AUTS2: variants seen among roughly 807,000 people sequenced by gnomAD.
AUTS2 encodes the protein activator of transcription and developmental regulator AUTS2, also known as autism susceptibility gene 2 protein.
Under a neutral mutation model 112.4 loss-of-function variants are expected in AUTS2, and 17 were observed. The ratio of observed to expected loss-of-function variants is 0.15; its 90% CI spans 0.10 to 0.23. AUTS2 has a LOEUF of 0.23. Among genes scored for constraint, AUTS2 ranks in the 10% least tolerant of loss-of-function variants. AUTS2 has a pLI of 1.00. For synonymous variants in AUTS2, 751 were observed against 702.7 expected, an observed-to-expected ratio of 1.07 and a Z score of -1.09; for missense variants, 1,510 against 1,701.6, an observed-to-expected ratio of 0.89 and a Z score of 1.98.
chr7:70,521,494 C>T (rs918713416), intron 5 of AUTS2, among the ~76,000 whole-genome samples: 2 of 152,130 alleles, frequency 1.3e-5, no homozygotes, highest in African/African-American at 4.8e-5. Context: ...CACTTAGACC[C>T]CAGGGTTTTG....
At chr7:70,232,408 T>C (rs1214844576) in intron 4 of AUTS2, among the ~76,000 whole-genome samples, 3 of 143,576 alleles carry the variant, frequency 2.1e-5, no homozygotes, top group Non-Finnish European at 4.6e-5. Context: ...GCTCTTGCTC[T>C]TTTTTTTTTT....
chr7:69,605,699 G>A (rs1296692889), intron 1 of AUTS2, among the ~76,000 whole-genome samples: 1 of 152,196 alleles, frequency 6.6e-6, no homozygotes. Flanking sequence ...CTGTTACATA[G>A]CCAGGAAAAG....
Position 70,761,325 on chromosome 7 carries a change from A to G in AUTS2, c.743-1545A>G, listed in dbSNP as rs534249382. 3.3e-5 allele frequency among the ~76,000 whole-genome samples: 5 copies of G among 152,312 alleles called. No homozygotes were observed. The East Asian group carries it at 9.7e-4, about 29-fold the overall frequency. On this transcript the variant is annotated intron_variant, in intron 6 of 18. Transcript: ENST00000342771. ...TGGGGAGACCCCACCTCTAAAACAAAAAACAGAAAACCCCAGAAATACATA... is the reference window on the plus strand; with the variant it reads ...TGGGGAGACCCCACCTCTAAAACAAGAAACAGAAAACCCCAGAAATACATA...
At chr7:70,250,230 A>G (rs978669124) in intron 4 of AUTS2, among the ~76,000 whole-genome samples, 4 of 151,956 alleles carry the variant, frequency 2.6e-5, no homozygotes, top group Admixed American at 1.3e-4. Context: ...CTAAACTTGG[A>G]CTCAGTTACA....
intron 4 of AUTS2, among the ~76,000 whole-genome samples, chr7:70,356,009 T>C (rs1485931968): frequency 1.3e-5 from 2 of 152,154 alleles, no homozygotes; most frequent in Non-Finnish European, 2.9e-5. Flanking sequence ...AACTGTACCT[T>C]TAGGGCTGAA....
intron 4 of AUTS2, among the ~76,000 whole-genome samples, chr7:70,408,518 A>C (rs557186876): frequency 2.6e-5 from 4 of 152,316 alleles, no homozygotes; most frequent in Non-Finnish European, 5.9e-5. Flanking sequence ...GGGTCCACTT[A>C]ACCCCTTAAA....
At chr7:70,659,204 G>C (rs1806936378) in intron 5 of AUTS2, among the ~76,000 whole-genome samples, 1 of 152,208 alleles carries the variant, frequency 6.6e-6, no homozygotes, top group Non-Finnish European at 1.5e-5. Flanking sequence ...TTCGGCACCT[G>C]ACCTCTGAAT....
At chr7:70,268,197 A>C (rs1787527628) in intron 4 of AUTS2, among the ~76,000 whole-genome samples, 1 of 152,104 alleles carries the variant, frequency 6.6e-6, no homozygotes, top group Non-Finnish European at 1.5e-5. Context: ...TTTTTCCTTA[A>C]GGGTTTAATC....
chr7:70,226,707 A>G (rs564995774), intron 4 of AUTS2, among the ~76,000 whole-genome samples: 1 of 152,256 alleles, frequency 6.6e-6, no homozygotes, highest in Non-Finnish European at 1.5e-5. Context: ...TATCTACTAC[A>G]TGCTGGGTAC....
chr7:70,776,655 G>T (rs1165746264), intron 13 of AUTS2: 1 of 235,894 alleles, frequency 4.2e-6, no homozygotes, highest in Non-Finnish European at 8.3e-6. Flanking sequence ...GTTAGGACAG[G>T]TTCTGTACCC....
At chr7:69,810,084 C>T (rs560913692) in intron 1 of AUTS2, among the ~76,000 whole-genome samples, 7 of 152,318 alleles carry the variant, frequency 4.6e-5, no homozygotes, top group African/African-American at 1.7e-4. Flanking sequence ...CTCTGCTTCC[C>T]TCTTACAGCT....
At chr7:70,484,424 C>T (rs1015678899) in intron 5 of AUTS2, among the ~76,000 whole-genome samples, 3 of 152,140 alleles carry the variant, frequency 2.0e-5, no homozygotes. Flanking sequence ...TGGAAGAGCA[C>T]GTGTGGCTTC....
intron 2 of AUTS2, among the ~76,000 whole-genome samples, chr7:70,103,692 G>A (rs945869530): frequency 6.6e-6 from 1 of 151,988 alleles, no homozygotes; most frequent in African/African-American, 2.4e-5. Flanking sequence ...AGATCACGAG[G>A]TCAGGAGTTC....
At chr7:70,769,688 A>AAAT (rs140103204) in intron 10 of AUTS2, among the ~76,000 whole-genome samples, 1 of 152,128 alleles carries the variant, frequency 6.6e-6, no homozygotes, top group Admixed American at 6.5e-5. Flanking sequence ...CCATTTCAAA[A>AAAT]AATAATAATA....
chr7:70,786,576 A>G (rs1477817688), intron 17 of AUTS2, among the ~76,000 whole-genome samples: 3 of 152,214 alleles, frequency 2.0e-5, no homozygotes, highest in Admixed American at 1.3e-4. Context: ...GATTAGGAGA[A>G]GAATTACAAC....
At chr7:69,758,698 C>T (rs575535982) in intron 1 of AUTS2, among the ~76,000 whole-genome samples, 1 of 152,156 alleles carries the variant, frequency 6.6e-6, no homozygotes, top group South Asian at 2.1e-4. Flanking sequence ...TCCGTATTGT[C>T]CTTAAAAATT....
intron 4 of AUTS2, among the ~76,000 whole-genome samples, chr7:70,413,263 T>C (rs115368903): frequency 0.011 from 1,617 of 152,332 alleles, 25 homozygotes; most frequent in African/African-American, 0.036. Flanking sequence ...CTATCTCACC[T>C]ATCTAGAATA....
intron 5 of AUTS2, among the ~76,000 whole-genome samples, chr7:70,633,483 C>T (rs1563090005): frequency 6.6e-6 from 1 of 151,876 alleles, no homozygotes; most frequent in South Asian, 2.1e-4. Context: ...TGGTGGTGGT[C>T]ATCTGTAATC....
intron 4 of AUTS2, among the ~76,000 whole-genome samples, chr7:70,222,114 A>G (rs7777675): frequency 5.3e-5 from 8 of 152,258 alleles, no homozygotes; most frequent in Non-Finnish European, 1.2e-4. Flanking sequence ...TAAATTTTTC[A>G]CATTAACATT....
Sources: allele counts gnomAD v4.1 joint callset (sites outside exome capture counted in the v4.1 genomes callset), GRCh38; gene constraint gnomAD v4.1.1; transcripts MANE v1.5; gene names NCBI Gene and HGNC (gene_info 2026-07-23, HGNC 2026-07-21).